The following SLC25A29 variants were observed in gnomAD, a reference collection of about 807,000 sequenced individuals.
SLC25A29 encodes solute carrier family 25 member 29, also known as mitochondrial basic amino acids transporter.
Under a neutral mutation model 10.0 loss-of-function variants are expected in SLC25A29, and 13 were observed. The observed-to-expected ratio is 1.30, with a 90% CI of 0.85 to 2.07. SLC25A29 has a LOEUF of 2.07. Among genes scored for constraint, SLC25A29 ranks in the 30% most tolerant of loss-of-function variants. The probability of loss-of-function intolerance (pLI) is 0.00; values close to 1 mark genes in which losing one functional copy is unlikely to be tolerated. For missense variants in SLC25A29, 475 were observed against 447.6 expected, an observed-to-expected ratio of 1.06 and a Z score of -0.55; for synonymous variants, 244 against 221.1, an observed-to-expected ratio of 1.10 and a Z score of -0.92.
At position 100,292,875 on chromosome 14, in the gene SLC25A29, C is replaced by G. The variant is rs748957838; in HGVS notation, c.320G>C (p.Cys107Ser). The G allele has an allele frequency of 6.2e-7, 1 of 1,601,678 alleles. No individual in the cohort carries two copies. Among genetic ancestry groups the G allele is most frequent in the South Asian group, 1.1e-5 (1 of 89,778 alleles). The change falls in exon 4 of 4, where the codon TGC becomes TCC. Residue 107 changes from cysteine to serine, a missense_variant. Transcript: ENST00000359232. Reference protein sequence around the residue: ...LAGAAAGAIQCVICCPMELAK... With the variant: ...LAGAAAGAIQSVICCPMELAK... The stretch of plus-strand genomic sequence containing the variant: ...CAGCTCCATGGGGCAGCAGATGACG[C>G]ACTGGATGGCGCCCGCCGCCGCACC...
At chr14:100,284,602 T>C in the SLC25A29 span, among the ~76,000 whole-genome samples, 17 of 152,332 alleles carry the variant, frequency 1.1e-4, no homozygotes, top group East Asian at 3.1e-3. Context: ...CTTGGAGTTT[T>C]CGTTTCCAAA....
intron 2 of SLC25A29, chr14:100,294,670 G>A (rs1892014899): frequency 6.6e-6 from 1 of 152,202 alleles, no homozygotes; most frequent in East Asian, 1.9e-4. Context: ...GTGAGGGTGG[G>A]AGGGAGTGCT....
rs749212802 is a variant in SLC25A29 at position 100,306,198 on chromosome 14, C to T, written c.34+1G>A. 6.6e-6 allele frequency: 10 copies of T among 1,504,398 alleles called. No individual in the cohort carries two copies. The Admixed American group carries it at 1.8e-4, about 27-fold the overall frequency. The allele number at this position is 1,504,398 out of a possible 1,614,324, so 93.2% of individuals were successfully genotyped here. ...CCCGGCCCGGCCCGCCGCCTCCTTACCCCCCGCGCATCCAGCCAAGAAGTC... is the reference window on the plus strand; with the variant it reads ...CCCGGCCCGGCCCGCCGCCTCCTTATCCCCCGCGCATCCAGCCAAGAAGTC... On this transcript the variant is annotated splice_donor_variant, in intron 1 of 3. Coordinates refer to ENST00000359232, the MANE Select transcript of SLC25A29 (RefSeq NM_001039355.3). LOFTEE classifies it high-confidence loss of function.
chr14:100,296,554 G>A (rs779274767), intron 2 of SLC25A29: 16 of 158,108 alleles, frequency 1.0e-4, no homozygotes, highest in Non-Finnish European at 1.7e-4. Context: ...AGCTCGCCAC[G>A]CATGTGTTTT....
chr14:100,282,481 A>G, the SLC25A29 span: 1 of 152,150 alleles, frequency 6.6e-6, no homozygotes, highest in Non-Finnish European at 1.5e-5. Context: ...GTGAGGCTCT[A>G]TTATCAACAG....
At chr14:100,281,239 A>G in the SLC25A29 span, 1 of 151,730 alleles carries the variant, frequency 6.6e-6, no homozygotes, top group African/African-American at 2.4e-5. Flanking sequence ...TTATTCTTTA[A>G]TAATCCTTCT....
chr14:100,292,334 A>AGCCTCGCCCTCGGGCCCG lies in SLC25A29; in HGVS notation c.843_860dup (p.Gly282_Ala287dup), dbSNP rs757896339. On this transcript the variant is annotated inframe_insertion, in exon 4 of 4. Transcript: ENST00000359232. ...CAGGCCCCGCAGGGGCGGCGGGCACAGCCTCGCCCTCGGGCCCGGCCTCCT... is the reference window on the plus strand; with the variant it reads ...CAGGCCCCGCAGGGGCGGCGGGCACAGCCTCGCCCTCGGGCCCGGCCTCGCCCTCGGGCCCGGCCTCCT... 5 of 1,494,188 alleles carry AGCCTCGCCCTCGGGCCCG rather than the reference A, an allele frequency of 3.3e-6. No individual in the cohort carries two copies. In the East Asian group the frequency reaches 7.6e-5, roughly 23 times the overall value. 92.6% of individuals were successfully genotyped at this position (1,494,188 alleles called of 1,614,324 possible). A position where few individuals can be genotyped will look rare whatever the true frequency, so the allele number is the denominator to read the frequency against.
rs116871661 is a variant in SLC25A29, at chr14:100,300,562, T to C, written c.35-1677A>G. On this transcript the variant is annotated intron_variant, in intron 1 of 3. Transcript: ENST00000359232. ...CACACCCAGCTAATTTTTGTAATTTTGGCAGGATGGGTCTTGCCATGCTGC... is the reference window on the plus strand; with the variant it reads ...CACACCCAGCTAATTTTTGTAATTTCGGCAGGATGGGTCTTGCCATGCTGC... Among the ~76,000 whole-genome samples the C allele has an allele frequency of 4.7e-3, 709 of 152,266 alleles. 5 individuals carry two copies. Among genetic ancestry groups the C allele is most frequent in the Non-Finnish European group, 5.5e-3 (374 of 68,028 alleles).
At chr14:100,278,753 C>T in the SLC25A29 span, 1 of 152,370 alleles carries the variant, frequency 6.6e-6, no homozygotes, top group African/African-American at 2.4e-5. Context: ...TGATTTTAGC[C>T]CCCGGCAAGT....
intron 1 of SLC25A29, 120 bp downstream of exon 1, chr14:100,306,079 C>G (rs1241221295): frequency 3.0e-6 from 2 of 674,820 alleles, no homozygotes; most frequent in Non-Finnish European, 4.5e-6. Flanking sequence ...AACTGTGGTC[C>G]CCATTCACAG....
chr14:100,286,479 G>GT (rs978788474), downstream of SLC25A29, among the ~76,000 whole-genome samples: 1 of 149,650 alleles, frequency 6.7e-6, no homozygotes, highest in East Asian at 2.0e-4. Context: ...CTGGGGGGGG[G>GT]GGTGTTGCTT....
At chr14:100,299,988 T>C (rs907996064) in intron 1 of SLC25A29, 39 of 985,206 alleles carry the variant, frequency 4.0e-5, no homozygotes, top group Admixed American at 6.2e-5. Flanking sequence ...ACTTTGGACC[T>C]GGCCAGGTGT....
At chr14:100,298,955 G>A (rs1892358380) in intron 1 of SLC25A29, 70 bp from the exon 2 acceptor site, 1 of 1,586,474 alleles carries the variant, frequency 6.3e-7, no homozygotes. Context: ...GGGCAGGAGG[G>A]GGTTCTGACA....
At chr14:100,300,192 A>C (rs1361599333) in intron 1 of SLC25A29, among the ~76,000 whole-genome samples, 1 of 152,164 alleles carries the variant, frequency 6.6e-6, no homozygotes, top group Non-Finnish European at 1.5e-5. Context: ...AATTGCTTGA[A>C]TCCAGGAGGC....
the SLC25A29 span, among the ~76,000 whole-genome samples, chr14:100,283,138 A>T: frequency 2.0e-5 from 3 of 152,226 alleles, no homozygotes; most frequent in Non-Finnish European, 2.9e-5. Context: ...GCTAACTGGG[A>T]TGGACTCGGA....
intron 1 of SLC25A29, among the ~76,000 whole-genome samples, chr14:100,301,412 G>A (rs1007089422): frequency 6.7e-6 from 1 of 149,958 alleles, no homozygotes; most frequent in Non-Finnish European, 1.5e-5. Flanking sequence ...TGATCCGCCT[G>A]CCTCGGCCTC....
intron 2 of SLC25A29, 34 bp downstream of exon 2, chr14:100,298,808 G>C: frequency 1.2e-6 from 2 of 1,614,052 alleles, no homozygotes; most frequent in Non-Finnish European, 8.5e-7. Flanking sequence ...TCCAATGTAC[G>C]CGCCGAGGAA....
At position 100,298,527 on chromosome 14, in the gene SLC25A29, T is replaced by C. The variant is rs1442261871; in HGVS notation, c.78+315A>G. On this transcript the variant is annotated intron_variant, in intron 2 of 3. Coordinates refer to ENST00000359232, the MANE Select transcript of SLC25A29 (RefSeq NM_001039355.3). ...TTTTTGTATTTTCTCTCTGAACTTT[T>C]CTTTCTTTCAAGGAACTGTTTGGGA... is the stretch of plus-strand genomic sequence containing the variant. The C allele has an allele frequency of 1.3e-5, 6 of 460,330 alleles. No individual in the cohort carries two copies. The East Asian group carries it at 2.6e-4, about 20-fold the overall frequency. The allele number at this position is 460,330 out of a possible 1,614,324, so 28.5% of individuals were successfully genotyped here.
At chr14:100,295,061 T>A (rs1048854054) in intron 2 of SLC25A29, 5 of 155,086 alleles carry the variant, frequency 3.2e-5, no homozygotes, top group African/African-American at 1.2e-4. Context: ...CCAGGTTGGA[T>A]ACTCAGTGCC....
Sources: gnomAD v4.1 joint callset for allele counts (sites outside exome capture counted in the v4.1 genomes callset) on GRCh38, gnomAD v4.1.1 for gene constraint, MANE v1.5 for transcripts, NCBI Gene and HGNC (gene_info 2026-07-23, HGNC 2026-07-21) for gene names.